The following NT5DC1 variants were observed in gnomAD, a reference collection of about 807,000 sequenced individuals.
NT5DC1 encodes the protein 5'-nucleotidase domain-containing protein 1.
Under a neutral mutation model 59.4 loss-of-function variants are expected in NT5DC1, and 42 were observed. The observed-to-expected ratio is 0.71, with a 90% CI of 0.55 to 0.92. NT5DC1 has a LOEUF of 0.92. Ranked by LOEUF, NT5DC1 falls within the 40% of genes least tolerant of loss-of-function variation. The pLI is 0.00. For synonymous variants in NT5DC1, 172 were observed against 188.1 expected (o/e 0.91, Z 0.70); for missense variants, 501 against 537.1 (o/e 0.93, Z 0.66).
At chr6:116,219,239 T>A (rs1781745698) in intron 6 of NT5DC1, among the ~76,000 whole-genome samples, 1 of 152,210 alleles carries the variant, frequency 6.6e-6, no homozygotes, top group Non-Finnish European at 1.5e-5. Flanking sequence ...CTCCGCCATC[T>A]CTGGTATATC....
At chr6:116,226,923 G>A (rs1020590330) in intron 8 of NT5DC1, among the ~76,000 whole-genome samples, 1 of 151,920 alleles carries the variant, frequency 6.6e-6, no homozygotes, top group African/African-American at 2.4e-5. Flanking sequence ...ATTGTAGAAT[G>A]GCTAAATGAT....
At chr6:116,155,633 A>G (rs1209560432) in intron 6 of NT5DC1, among the ~76,000 whole-genome samples, 5 of 151,982 alleles carry the variant, frequency 3.3e-5, no homozygotes, top group African/African-American at 1.2e-4. Context: ...GAGTGAGGTT[A>G]CTCCATTACA....
At chr6:116,227,696 G>A (rs918162268) in intron 8 of NT5DC1, among the ~76,000 whole-genome samples, 3 of 152,058 alleles carry the variant, frequency 2.0e-5, no homozygotes, top group African/African-American at 4.8e-5. Flanking sequence ...GTTTTAATTT[G>A]TATTTCCCCA....
chr6:116,115,645 A>G (rs1356324005), intron 4 of NT5DC1, 46 bp from the exon 5 acceptor site: 3 of 897,224 alleles, frequency 3.3e-6, no homozygotes, highest in South Asian at 1.4e-5. Flanking sequence ...TTTCACATGC[A>G]TGCAGCATTA....
intron 6 of NT5DC1, among the ~76,000 whole-genome samples, chr6:116,128,250 A>G (rs1044360563): frequency 6.6e-6 from 1 of 152,200 alleles, no homozygotes; most frequent in Non-Finnish European, 1.5e-5. Flanking sequence ...ATTTCAGCAC[A>G]AGGAATCTGA....
chr6:116,167,940 G>A (rs965881033), intron 6 of NT5DC1, among the ~76,000 whole-genome samples: 5 of 152,078 alleles, frequency 3.3e-5, no homozygotes, highest in African/African-American at 1.2e-4. Flanking sequence ...GTTATTTTCT[G>A]CACTATAGTC....
At chr6:116,190,185 C>T (rs1781085627) in intron 6 of NT5DC1, among the ~76,000 whole-genome samples, 1 of 151,852 alleles carries the variant, frequency 6.6e-6, no homozygotes, top group African/African-American at 2.4e-5. Context: ...TTCATTTTCT[C>T]CTCTTCCCAT....
At chr6:116,155,771 A>AT (rs1780175159) in intron 6 of NT5DC1, among the ~76,000 whole-genome samples, 1 of 151,616 alleles carries the variant, frequency 6.6e-6, no homozygotes, top group African/African-American at 2.4e-5. Context: ...AAAAAAAAAA[A>AT]AGAGGGAGGA....
At chr6:116,213,394 C>T (rs1781621815) in intron 6 of NT5DC1, among the ~76,000 whole-genome samples, 1 of 152,074 alleles carries the variant, frequency 6.6e-6, no homozygotes, top group African/African-American at 2.4e-5. Context: ...AGATTGGTTG[C>T]ACATCTTACA....
chr6:116,120,650 G>A (rs774533338), intron 6 of NT5DC1: 5 of 1,547,856 alleles, frequency 3.2e-6, no homozygotes, highest in Non-Finnish European at 3.5e-6. Flanking sequence ...TGGTGGCCCG[G>A]TGGGTCCATT....
intron 6 of NT5DC1, among the ~76,000 whole-genome samples, chr6:116,159,688 C>T (rs1026179597): frequency 1.3e-5 from 2 of 152,168 alleles, no homozygotes; most frequent in African/African-American, 4.8e-5. Context: ...GGGTATATTG[C>T]ATAATTGTGA....
intron 6 of NT5DC1, among the ~76,000 whole-genome samples, chr6:116,179,500 G>A (rs1780826814): frequency 6.6e-6 from 1 of 152,056 alleles, no homozygotes; most frequent in South Asian, 2.1e-4. Flanking sequence ...ATTCTCTAAA[G>A]AAGATATGCA....
At chr6:116,188,949 T>C (rs1016285479) in intron 6 of NT5DC1, among the ~76,000 whole-genome samples, 3 of 151,936 alleles carry the variant, frequency 2.0e-5, no homozygotes, top group African/African-American at 7.2e-5. Flanking sequence ...TAATTTATAA[T>C]TGGAATGGAT....
chr6:116,243,199 T>G (rs1771770691), intron 11 of NT5DC1, among the ~76,000 whole-genome samples: 1 of 152,204 alleles, frequency 6.6e-6, no homozygotes, highest in South Asian at 2.1e-4. Context: ...TAGCTAAGCA[T>G]TTGAAGATTA....
intron 8 of NT5DC1, among the ~76,000 whole-genome samples, chr6:116,231,156 C>CCA (rs1392792550): frequency 6.9e-6 from 1 of 144,132 alleles, no homozygotes; most frequent in African/African-American, 2.7e-5. Flanking sequence ...AATCCCCCCC[C>CCA]CAAACCAAAG....
intron 6 of NT5DC1, among the ~76,000 whole-genome samples, chr6:116,190,565 A>T (rs1781095865): frequency 6.6e-6 from 1 of 152,006 alleles, no homozygotes; most frequent in Admixed American, 6.6e-5. Flanking sequence ...AGCTAAAATT[A>T]AATTGAGAGG....
rs28482796 is a variant in NT5DC1, at chr6:116,225,093, A to G, written c.802+1962A>G. On this transcript the variant is annotated intron_variant, in intron 8 of 11. Coordinates refer to ENST00000319550, the MANE Select transcript of NT5DC1 (RefSeq NM_152729.3). Reference sequence around the variant, plus strand: ...GGTGGTTGATTTTTCTTTTTCCTCAAATGAGCAAGTGAGTAGATGGTGGTA... The same window carrying G: ...GGTGGTTGATTTTTCTTTTTCCTCAGATGAGCAAGTGAGTAGATGGTGGTA... Among the ~76,000 whole-genome samples the G allele has an allele frequency of 3.3e-3, 509 of 152,340 alleles. 5 individuals carry two copies. The highest frequency in any genetic ancestry group is 0.011 in the African/African-American group (469 of 41,576).
chr6:116,172,072 T>G (rs545599725), intron 6 of NT5DC1, among the ~76,000 whole-genome samples: 28 of 152,172 alleles, frequency 1.8e-4, no homozygotes, highest in Non-Finnish European at 4.0e-4. Context: ...CATCTATGGT[T>G]TCAGTGTTTT....
intron 6 of NT5DC1, among the ~76,000 whole-genome samples, chr6:116,173,272 G>T (rs541103885): frequency 1.3e-5 from 2 of 152,140 alleles, no homozygotes; most frequent in East Asian, 3.8e-4. Flanking sequence ...GCTGCTCCAC[G>T]TTTTATTTTT....
Sources: gnomAD v4.1 joint callset for allele counts (sites outside exome capture counted in the v4.1 genomes callset) on GRCh38, gnomAD v4.1.1 for gene constraint, MANE v1.5 for transcripts, NCBI Gene and HGNC (gene_info 2026-07-23, HGNC 2026-07-21) for gene names.